SCARA5: variants seen among roughly 807,000 people sequenced by gnomAD.
The protein encoded by SCARA5 is scavenger receptor class A, member 5 (putative).
In SCARA5, 45 loss-of-function variants were observed where a neutral mutation model predicts 46.3. The observed-to-expected ratio is 0.97, with a 90% CI of 0.76 to 1.24. The LOEUF is 1.24. Among genes scored for constraint, SCARA5 ranks in the 50% most tolerant of loss-of-function variants. SCARA5 has a pLI of 0.00. For synonymous variants in SCARA5, 333 were observed against 306.5 expected, an observed-to-expected ratio of 1.09 and a Z score of -0.90; for missense variants, 680 against 689.0, an observed-to-expected ratio of 0.99 and a Z score of 0.15.
chr8:27,905,679 T>C (rs1486102301), intron 6 of SCARA5, among the ~76,000 whole-genome samples: 1 of 150,924 alleles, frequency 6.6e-6, no homozygotes, highest in Non-Finnish European at 1.5e-5. Context: ...TATGCACTTC[T>C]GTGTTGTCTA....
intron 5 of SCARA5, 29 bp from the exon 6 acceptor site, chr8:27,907,275 C>A (rs748104361): frequency 6.5e-7 from 1 of 1,544,246 alleles, no homozygotes; most frequent in Non-Finnish European, 8.9e-7. Flanking sequence ...AATGGCAGAG[C>A]CTCAGATGCA....
intron 8 of SCARA5, among the ~76,000 whole-genome samples, chr8:27,874,097 C>T (rs540118551): frequency 9.2e-5 from 14 of 152,330 alleles, no homozygotes; most frequent in Non-Finnish European, 2.1e-4. Context: ...TGCTCAGTAC[C>T]ATTCTGATGA....
At chr8:27,955,080 C>T (rs1808186197) in intron 3 of SCARA5, among the ~76,000 whole-genome samples, 1 of 152,186 alleles carries the variant, frequency 6.6e-6, no homozygotes. Context: ...TGGCATCCTA[C>T]AAGTCACTTC....
In SCARA5 at chr8:27,934,345, C is replaced by T. The variant is rs557129362; in HGVS notation, c.242-12100G>A. 7.2e-5 allele frequency among the ~76,000 whole-genome samples: 11 copies of T among 152,262 alleles called. No individual in the cohort carries two copies. The South Asian group carries it at 1.9e-3, about 26-fold the overall frequency. ...CAGGCAAATGCGGCCTTGAATCAGC[C>T]CTGGGATTTCGACCTGGGAGGTCGC... On this transcript the variant is annotated intron_variant, in intron 3 of 8. Coordinates refer to ENST00000354914, the MANE Select transcript of SCARA5 (RefSeq NM_173833.6).
intron 7 of SCARA5, among the ~76,000 whole-genome samples, chr8:27,895,594 A>G (rs946492877): frequency 3.9e-5 from 6 of 152,158 alleles, no homozygotes; most frequent in Non-Finnish European, 7.3e-5. Flanking sequence ...GCCCCATTTT[A>G]CAGGTGAGAA....
intron 2 of SCARA5, among the ~76,000 whole-genome samples, chr8:27,977,935 A>G (rs913251930): frequency 1.3e-5 from 2 of 152,230 alleles, no homozygotes; most frequent in Non-Finnish European, 2.9e-5. Context: ...CAAACTTTAT[A>G]GCAATTACAT....
chr8:27,912,753 C>T (rs1335987145), intron 4 of SCARA5, among the ~76,000 whole-genome samples: 2 of 152,238 alleles, frequency 1.3e-5, no homozygotes, highest in African/African-American at 4.8e-5. Context: ...ACCTGCCCCT[C>T]AGATGCAGGT....
intron 2 of SCARA5, among the ~76,000 whole-genome samples, chr8:27,977,393 G>C (rs530748207): frequency 6.6e-6 from 1 of 151,990 alleles, no homozygotes; most frequent in Non-Finnish European, 1.5e-5. Context: ...CTCCCTCCCT[G>C]ACTCCTGAAA....
chr8:27,894,197 A>C (rs1278071123), intron 7 of SCARA5, among the ~76,000 whole-genome samples: 1 of 152,242 alleles, frequency 6.6e-6, no homozygotes, highest in East Asian at 1.9e-4. Flanking sequence ...ATTACAGCTC[A>C]TTTAACAGAA....
chr8:27,901,180 C>T (rs1807147010), intron 7 of SCARA5, among the ~76,000 whole-genome samples: 1 of 152,178 alleles, frequency 6.6e-6, no homozygotes, highest in Non-Finnish European at 1.5e-5. Context: ...CCAGGGAAAA[C>T]CCCCAACTTC....
chr8:27,966,116 C>T (rs1259260804), intron 3 of SCARA5, among the ~76,000 whole-genome samples: 1 of 152,162 alleles, frequency 6.6e-6, no homozygotes, highest in Non-Finnish European at 1.5e-5. Context: ...ACCCCAGAGG[C>T]CCAGGGAGGC....
At chr8:27,911,900 G>C (rs998255687) in intron 4 of SCARA5, among the ~76,000 whole-genome samples, 2 of 152,060 alleles carry the variant, frequency 1.3e-5, no homozygotes, top group Non-Finnish European at 2.9e-5. Context: ...TTATAAGAAG[G>C]GAAAACAGAG....
Position 27,950,879 on chromosome 8 carries a change from GA to G in SCARA5, c.241+15534del, listed in dbSNP as rs766482225. Reference sequence around the variant, plus strand: ...CCTATTTCAGCACTCAGCTTTATGGGAAAAAAAAAAAAAGGTCAGTGTGGAC... The same window carrying G: ...CCTATTTCAGCACTCAGCTTTATGGGAAAAAAAAAAAAGGTCAGTGTGGAC... On this transcript the variant is annotated intron_variant, in intron 3 of 8. Coordinates refer to ENST00000354914, the MANE Select transcript of SCARA5 (RefSeq NM_173833.6). Among the ~76,000 whole-genome samples the G allele has an allele frequency of 5.0e-3, 699 of 140,800 alleles. 8 individuals are homozygous for G. The highest frequency in any genetic ancestry group is 0.012 in the African/African-American group (466 of 38,336). 92.4% of individuals were successfully genotyped at this position (140,800 alleles called of 152,430 possible).
chr8:27,946,353 C>G (rs539291788), intron 3 of SCARA5, among the ~76,000 whole-genome samples: 210 of 152,330 alleles, frequency 1.4e-3, no homozygotes, highest in Admixed American at 6.5e-3. Flanking sequence ...ATGAGTGCAG[C>G]CTTCTTCTCT....
intron 2 of SCARA5, among the ~76,000 whole-genome samples, chr8:27,980,703 C>A (rs1286066566): frequency 6.6e-6 from 1 of 152,176 alleles, no homozygotes; most frequent in Non-Finnish European, 1.5e-5. Flanking sequence ...TCAGGGGGCC[C>A]CTGGGAGCAA....
At position 27,870,700 on chromosome 8, in the gene SCARA5, G is replaced by C. The variant is rs1418695628; in HGVS notation, c.*1234C>G. The stretch of plus-strand genomic sequence containing the variant: ...ACGATCTCCCTGTCTCTAGGAGGAG[G>C]GTGCAGATTGCAGATTTATGGAGGC... On this transcript the variant is annotated 3_prime_UTR_variant, in exon 9 of 9. Transcript: ENST00000354914. 2 of 152,110 alleles carry C rather than the reference G, an allele frequency of 1.3e-5. No individual in the cohort carries two copies. Among genetic ancestry groups the C allele is most frequent in the Non-Finnish European group, 2.9e-5 (2 of 68,042 alleles). The allele number at this position is 152,110 out of a possible 1,614,324, so 9.4% of individuals were successfully genotyped here.
chr8:27,946,931 T>C (rs1259283384), intron 3 of SCARA5, among the ~76,000 whole-genome samples: 1 of 138,116 alleles, frequency 7.2e-6, no homozygotes, highest in Non-Finnish European at 1.6e-5. Context: ...CCTTAGCTTT[T>C]GTTTTTTTTC....
rs879531820 is a variant in SCARA5 at position 27,871,712 on chromosome 8, AAG to A, written c.*220_*221del. On this transcript the variant is annotated 3_prime_UTR_variant, in exon 9 of 9. Transcript: ENST00000354914. Reference sequence around the variant, plus strand: ...GGCTCCTCATGCAGGAACCTGGTGGAAGAGAGAGACGGGCAGTAGGTCCCAGA... The same window carrying A: ...GGCTCCTCATGCAGGAACCTGGTGGAAGAGAGACGGGCAGTAGGTCCCAGA... 7 of 1,396,352 alleles carry A rather than the reference AAG, an allele frequency of 5.0e-6. No homozygotes were observed. The highest frequency in any genetic ancestry group is 5.6e-6 in the Non-Finnish European group (6 of 1,076,200). 86.5% of individuals were successfully genotyped at this position (1,396,352 alleles called of 1,614,324 possible).
intron 8 of SCARA5, among the ~76,000 whole-genome samples, chr8:27,874,792 C>T (rs1056540503): frequency 1.3e-5 from 2 of 152,150 alleles, no homozygotes; most frequent in Non-Finnish European, 2.9e-5. Context: ...CAATCCTTAC[C>T]TCCTTTTCCA....
Sources: allele counts gnomAD v4.1 joint callset (sites outside exome capture counted in the v4.1 genomes callset), GRCh38; gene constraint gnomAD v4.1.1; transcripts MANE v1.5; gene names NCBI Gene and HGNC (gene_info 2026-07-23, HGNC 2026-07-21).